Variants in PLCL1 observed in about 807,000 individuals in gnomAD.
PLCL1 encodes the protein phospholipase C like 1 (inactive).
Under a neutral mutation model 84.4 loss-of-function variants are expected in PLCL1, and 41 were observed. The ratio of observed to expected loss-of-function variants is 0.49; its 90% CI spans 0.38 to 0.63. The LOEUF (loss-of-function observed/expected upper bound fraction) is 0.63, where lower values mean the gene tolerates loss of function less well. Ranked by LOEUF, PLCL1 falls within the 30% of genes least tolerant of loss-of-function variation. The pLI is 0.00. For synonymous variants in PLCL1, 490 were observed against 488.3 expected (o/e 1.00, Z -0.05); for missense variants, 1,206 against 1,367.8 (o/e 0.88, Z 1.87).
Position 197,976,498 on chromosome 2 carries a change from G to A in PLCL1, c.241-107260G>A, listed in dbSNP as rs144988356. 2.1e-4 allele frequency among the ~76,000 whole-genome samples: 32 copies of A among 152,200 alleles called. 1 individual carries two copies. The highest frequency in any genetic ancestry group is 7.7e-4 in the African/African-American group (32 of 41,514). ...GAGTCTCACTCTGTCACCCAGGAGG[G>A]CGTGCAGTGGCATGAACTCGGCTCA... On this transcript the variant is annotated intron_variant, in intron 1 of 5. Coordinates refer to ENST00000428675, the MANE Select transcript of PLCL1 (RefSeq NM_006226.4).
chr2:197,934,979 A>G (rs1689020620), intron 1 of PLCL1, among the ~76,000 whole-genome samples: 1 of 152,212 alleles, frequency 6.6e-6, no homozygotes, highest in Admixed American at 6.5e-5. Flanking sequence ...AAGGACATGA[A>G]CAGACACTTT....
intron 1 of PLCL1, among the ~76,000 whole-genome samples, chr2:197,950,168 T>A (rs1480255007): frequency 6.6e-6 from 1 of 152,196 alleles, no homozygotes; most frequent in Non-Finnish European, 1.5e-5. Context: ...TCAGCTTTGC[T>A]GGATGTTTCA....
chr2:197,998,672 C>T (rs771640692), intron 1 of PLCL1, among the ~76,000 whole-genome samples: 3 of 152,134 alleles, frequency 2.0e-5, no homozygotes, highest in Non-Finnish European at 4.4e-5. Context: ...CATAGAACCT[C>T]CACAGGCAGT....
At chr2:197,852,623 G>A (rs540783148) in intron 1 of PLCL1, among the ~76,000 whole-genome samples, 2 of 152,226 alleles carry the variant, frequency 1.3e-5, no homozygotes, top group African/African-American at 2.4e-5. Context: ...GTTCATATAT[G>A]TATAGAAATG....
chr2:198,054,451 C>T (rs140902561), intron 1 of PLCL1, among the ~76,000 whole-genome samples: 26 of 152,326 alleles, frequency 1.7e-4, no homozygotes, highest in Admixed American at 4.6e-4. Context: ...TAACAAAATT[C>T]AGAGAGGACA....
At chr2:198,029,926 C>T (rs868016785) in intron 1 of PLCL1, among the ~76,000 whole-genome samples, 1 of 151,762 alleles carries the variant, frequency 6.6e-6, no homozygotes, top group African/African-American at 2.4e-5. Flanking sequence ...TCTTGAATGC[C>T]TGACCTCAAA....
chr2:198,010,972 C>CT (rs1219758029), intron 1 of PLCL1, among the ~76,000 whole-genome samples: 1 of 151,560 alleles, frequency 6.6e-6, no homozygotes, highest in Non-Finnish European at 1.5e-5. Context: ...GGTAATATCT[C>CT]TTTTTTCTTT....
chr2:198,102,070 G>C (rs918260552), intron 4 of PLCL1, among the ~76,000 whole-genome samples: 1 of 152,060 alleles, frequency 6.6e-6, no homozygotes, highest in Non-Finnish European at 1.5e-5. Flanking sequence ...GAGATTCTGA[G>C]AGACTGAGTG....
intron 5 of PLCL1, among the ~76,000 whole-genome samples, chr2:198,119,386 G>A (rs1353334532): frequency 1.3e-5 from 2 of 151,926 alleles, no homozygotes; most frequent in Non-Finnish European, 2.9e-5. Context: ...TTCTTGACCT[G>A]GATAGAAGGT....
intron 1 of PLCL1, among the ~76,000 whole-genome samples, chr2:197,929,360 G>A (rs1212196633): frequency 6.6e-6 from 1 of 152,192 alleles, no homozygotes; most frequent in Non-Finnish European, 1.5e-5. Context: ...TCCAGAAGAT[G>A]AGGCAGCATG....
At position 197,921,553 on chromosome 2, in the gene PLCL1, TTAAA is replaced by T. The variant is rs143849510; in HGVS notation, c.240+116230_240+116233del. Among the ~76,000 whole-genome samples the T allele has an allele frequency of 2.6e-3, 394 of 152,218 alleles. 1 individual carries two copies. The highest frequency in any genetic ancestry group is 8.9e-3 in the African/African-American group (369 of 41,538). On this transcript the variant is annotated intron_variant, in intron 1 of 5. Transcript: ENST00000428675. ...AAAGTTCAAAAAATACAAATCAAAT[TTAAA>T]TAAATAAATAAATAAGCATTTCTTT...
intron 1 of PLCL1, among the ~76,000 whole-genome samples, chr2:197,918,971 T>TCTCTCACACA (rs373512508): frequency 0.011 from 1,647 of 144,646 alleles, 31 homozygotes; most frequent in African/African-American, 0.032. Flanking sequence ...TCTCTCTCCC[T>TCTCTCACACA]CACACACACA....
At chr2:197,832,073 C>T (rs1452226884) in intron 1 of PLCL1, among the ~76,000 whole-genome samples, 3 of 152,050 alleles carry the variant, frequency 2.0e-5, no homozygotes, top group Admixed American at 1.3e-4. Flanking sequence ...AAAATCGACA[C>T]CCCAGCATCA....
intron 1 of PLCL1, among the ~76,000 whole-genome samples, chr2:198,072,407 T>TTGCAA (rs1692484751): frequency 6.6e-6 from 1 of 151,926 alleles, no homozygotes; most frequent in Non-Finnish European, 1.5e-5. Flanking sequence ...TAAATAGTTA[T>TTGCAA]ATTTTCTGCA....
rs1689291070 is a variant in PLCL1 at position 197,947,123 on chromosome 2, C to G, written c.241-136635C>G. On this transcript the variant is annotated intron_variant, in intron 1 of 5. Transcript: ENST00000428675. ...GGGGTGAACATACGTTTTCATGGAG[C>G]TTATCTTTTAGGGGAGTGAGGACAG... is the stretch of plus-strand genomic sequence containing the variant. Among the ~76,000 whole-genome samples the G allele has an allele frequency of 3.3e-5, 5 of 151,754 alleles. No homozygotes were observed. The South Asian group carries it at 8.4e-4, about 25-fold the overall frequency.
intron 1 of PLCL1, among the ~76,000 whole-genome samples, chr2:197,844,370 T>C (rs995481438): frequency 2.0e-5 from 3 of 150,658 alleles, no homozygotes; most frequent in Non-Finnish European, 4.4e-5. Flanking sequence ...AGTCATATAA[T>C]ATGCATCTTC....
chr2:198,089,168 T>C, intron 3 of PLCL1, 107 bp downstream of exon 3: 1 of 792,726 alleles, frequency 1.3e-6, no homozygotes, highest in Non-Finnish European at 2.1e-6. Flanking sequence ...GTGACTACCT[T>C]TGAAACATGG....
intron 1 of PLCL1, among the ~76,000 whole-genome samples, chr2:197,875,313 A>T (rs1687714658): frequency 2.0e-5 from 3 of 152,184 alleles, no homozygotes; most frequent in African/African-American, 7.2e-5. Flanking sequence ...TAATGTATTT[A>T]TGTAAAGTTC....
intron 3 of PLCL1, among the ~76,000 whole-genome samples, chr2:198,096,746 TC>T (rs1197587235): frequency 6.6e-6 from 1 of 152,144 alleles, no homozygotes; most frequent in Non-Finnish European, 1.5e-5. Flanking sequence ...TTTTACTAAG[TC>T]AGTTGGGGGT....
Sources: allele counts gnomAD v4.1 joint callset (sites outside exome capture counted in the v4.1 genomes callset), GRCh38; gene constraint gnomAD v4.1.1; transcripts MANE v1.5; gene names NCBI Gene and HGNC (gene_info 2026-07-23, HGNC 2026-07-21).